ANGEL1: variants seen among roughly 807,000 people sequenced by gnomAD.
ANGEL1 encodes the protein angel homolog 1.
A neutral mutation model predicts 76.4 loss-of-function variants in ANGEL1; 62 were observed. The observed-to-expected ratio is 0.81, with a 90% CI of 0.66 to 1.00. ANGEL1 has a LOEUF of 1.00. ANGEL1 is among the 50% of genes least tolerant of loss of function. The probability of loss-of-function intolerance (pLI) is 0.00; values close to 1 mark genes in which losing one functional copy is unlikely to be tolerated. For missense variants in ANGEL1, 737 were observed against 836.7 expected, an observed-to-expected ratio of 0.88 and a Z score of 1.47; for synonymous variants, 340 against 331.7, an observed-to-expected ratio of 1.03 and a Z score of -0.27.
chr14:76,806,317 G>T, intron 5 of ANGEL1, 99 bp downstream of exon 5: 1 of 1,274,288 alleles, frequency 7.8e-7, no homozygotes, highest in Non-Finnish European at 1.1e-6. Context: ...GGCCAGAGCA[G>T]GTGTACTGAG....
chr14:76,806,598 C>T lies in ANGEL1; in HGVS notation c.1198G>A (p.Gly400Ser). The change falls in exon 5 of 10, where the codon GGC (glycine) becomes AGC (serine). Residue 400 changes from glycine (G) to serine (S), a missense_variant. Around this residue, in one of 2 missense-constraint regions of ANGEL1, gnomAD observed 296 missense variants for 387.2 expected, o/e 0.76. Transcript: ENST00000251089. ...GCCATCTGGGCCAGCTTGACATCGC[C>T]CCGGCGTGGGTTGTAAAGGATATGG... ...NTHILYNPRR[G>S]DVKLAQMAIL... is the part of the protein sequence containing the mutation. 6.2e-7 allele frequency: 1 copy of T among 1,614,208 alleles called. No individual in the cohort carries two copies. The highest frequency in any genetic ancestry group is 8.5e-7 in the Non-Finnish European group (1 of 1,180,046).
At chr14:76,810,284 G>A (rs967580408) in intron 1 of ANGEL1, 8 of 451,318 alleles carry the variant, frequency 1.8e-5, no homozygotes, top group Admixed American at 7.1e-5. Context: ...AGCCAAGTAC[G>A]GTGGCACATG....
chr14:76,788,008 A>T lies in ANGEL1; in HGVS notation c.*1220T>A, dbSNP rs1426089108. 1 of 152,330 alleles carries T rather than the reference A, an allele frequency of 6.6e-6. No homozygotes were observed. Among genetic ancestry groups the T allele is most frequent in the African/African-American group, 2.4e-5 (1 of 41,470 alleles). 9.4% of individuals were successfully genotyped at this position (152,330 alleles called of 1,614,324 possible). A position where few individuals can be genotyped will look rare whatever the true frequency, so the allele number is the denominator to read the frequency against. ...GCCAATCCGCAAGTACTGCCACTTC[A>T]AATTCTTGGACCAGTTTTGTCCAAG... On this transcript the variant is annotated 3_prime_UTR_variant, in exon 10 of 10. Transcript: ENST00000251089.
chr14:76,793,053 C>T (rs1385440794), intron 7 of ANGEL1, among the ~76,000 whole-genome samples: 1 of 152,002 alleles, frequency 6.6e-6, no homozygotes, highest in African/African-American at 2.4e-5. Flanking sequence ...ATTGCAGGTA[C>T]ACGATCAATA....
rs1895027933 is a variant in ANGEL1 at position 76,809,663 on chromosome 14, A to T, written c.65-20T>A. 1.9e-6 allele frequency: 3 copies of T among 1,598,878 alleles called. No homozygotes were observed. The highest frequency in any genetic ancestry group is 2.6e-6 in the Non-Finnish European group (3 of 1,169,622). On this transcript the variant is annotated intron_variant, in intron 1 of 9. Transcript: ENST00000251089. ...AAGCATCTAGGAGGAAAGCCAAAAT[A>T]CCAGGTTATAAGACTGTCATCCAAC...
At chr14:76,804,204 A>G in intron 5 of ANGEL1, 1 of 1,410,258 alleles carries the variant, frequency 7.1e-7, no homozygotes, top group Non-Finnish European at 9.2e-7. Context: ...ACCTCTGAAA[A>G]ATCAATACAA....
At position 76,787,880 on chromosome 14, in the gene ANGEL1, G is replaced by C. The variant is rs1053320993; in HGVS notation, c.*1348C>G. 1 of 152,670 alleles carries C rather than the reference G, an allele frequency of 6.6e-6. No individual in the cohort carries two copies. The highest frequency in any genetic ancestry group is 1.5e-5 in the Non-Finnish European group (1 of 68,094). The allele number at this position is 152,670 out of a possible 1,614,324, so 9.5% of individuals were successfully genotyped here. On this transcript the variant is annotated 3_prime_UTR_variant, in exon 10 of 10. Coordinates refer to ENST00000251089, the MANE Select transcript of ANGEL1 (RefSeq NM_015305.4). ...AGCAATGAAAGATTAAGGCATGCAG[G>C]TGACACAGTGTGGACTAAGGAGTCC... is the stretch of plus-strand genomic sequence containing the variant.
intron 7 of ANGEL1, 145 bp from the exon 8 acceptor site, chr14:76,791,511 GAGA>G: frequency 1.4e-6 from 1 of 711,572 alleles, no homozygotes; most frequent in Non-Finnish European, 2.3e-6. Context: ...CAGTGAGGAG[GAGA>G]AGATGACCAT....
At position 76,812,856 on chromosome 14, in the gene ANGEL1, C is replaced by A; in HGVS notation, c.-29G>T. 1 of 1,495,650 alleles carries A rather than the reference C, an allele frequency of 6.7e-7. No individual in the cohort carries two copies. The highest frequency in any genetic ancestry group is 8.9e-7 in the Non-Finnish European group (1 of 1,125,338). The allele number at this position is 1,495,650 out of a possible 1,614,324, so 92.6% of individuals were successfully genotyped here. The stretch of plus-strand genomic sequence containing the variant: ...CGGCCGCCCGCGCCCGCCTCCGCTC[C>A]TCACTGCAGCCAGCAGGTCCTCCCT... On this transcript the variant is annotated 5_prime_UTR_variant, in exon 1 of 10. The change creates a new upstream start codon in the 5' untranslated region. Transcript: ENST00000251089.
Position 76,812,805 on chromosome 14 carries a change from T to C in ANGEL1, c.23A>G (p.Tyr8Cys), listed in dbSNP as rs1320474841. MIASCLC[Y>C]LLLPATRLFR... ...GAGGCGCGTGGCCGGCAGCAGCAGG[T>C]AACACAAGCACGACGCGATCATGGC... Residue 8 changes from tyrosine to cysteine, a missense_variant, in exon 1 of 10, where the codon TAC becomes TGC. This residue lies in a region of ANGEL1 where 441 missense variants were observed against 449.5 expected (regional missense o/e 0.98). Coordinates refer to ENST00000251089, the MANE Select transcript of ANGEL1 (RefSeq NM_015305.4). 6.6e-7 allele frequency: 1 copy of C among 1,520,576 alleles called. No homozygotes were observed. The highest frequency in any genetic ancestry group is 8.8e-7 in the Non-Finnish European group (1 of 1,138,988). 94.2% of individuals were successfully genotyped at this position (1,520,576 alleles called of 1,614,324 possible).
intron 7 of ANGEL1, among the ~76,000 whole-genome samples, chr14:76,798,184 G>C (rs1194847662): frequency 6.6e-6 from 1 of 151,234 alleles, no homozygotes; most frequent in African/African-American, 2.4e-5. Context: ...GAGTGCAGTA[G>C]GGCAATCATA....
rs762280761 is a variant in ANGEL1 at position 76,790,600 on chromosome 14, A to C, written c.1852+11T>G. The C allele has an allele frequency of 8.1e-6, 13 of 1,605,294 alleles. No homozygotes were observed. Among genetic ancestry groups the C allele is most frequent in the Non-Finnish European group, 1.1e-5 (13 of 1,173,726 alleles). ...CTGGGGGTGGAGGAACCCAGGATCC[A>C]TCAGGCTTACCAGTTCTGTTCCCAT... On this transcript the variant is annotated intron_variant, in intron 9 of 9. Transcript: ENST00000251089.
chr14:76,796,041 C>T (rs944591613), intron 7 of ANGEL1, among the ~76,000 whole-genome samples: 103 of 152,066 alleles, frequency 6.8e-4, no homozygotes, highest in African/African-American at 2.3e-3. Context: ...AACTCACTTT[C>T]ATCCCTTCAT....
chr14:76,790,665 T>C lies in ANGEL1; in HGVS notation c.1798A>G (p.Thr600Ala). ...GCTGAGAAGAAGATGTAATCTACTGTCATTCCAAGACCCAATGGCATTGTA... is the reference window on the plus strand; with the variant it reads ...GCTGAGAAGAAGATGTAATCTACTGCCATTCCAAGACCCAATGGCATTGTA... ...VTTMPLGLGM[T>A]VDYIFFSAES... The change falls in exon 9 of 10, where the codon ACA becomes GCA. Residue 600 changes from threonine (T) to alanine (A), a missense_variant. Around this residue, in one of 2 missense-constraint regions of ANGEL1, gnomAD observed 296 missense variants for 387.2 expected, o/e 0.76. Coordinates refer to ENST00000251089, the MANE Select transcript of ANGEL1 (RefSeq NM_015305.4). 6.2e-7 allele frequency: 1 copy of C among 1,614,152 alleles called. No homozygotes were observed. The highest frequency in any genetic ancestry group is 1.7e-5 in the Admixed American group (1 of 60,024).
rs767954588 is a variant in ANGEL1, at chr14:76,803,442, C to T, written c.1547G>A (p.Arg516His). Residue 516 changes from arginine to histidine, a missense_variant, in exon 7 of 10, where the codon CGC (arginine) becomes CAC (histidine). Coordinates refer to ENST00000251089, the MANE Select transcript of ANGEL1 (RefSeq NM_015305.4). The part of the protein sequence containing the change: ...KYGRDFLLRF[R>H]FCSIACQRPV... ...TCGCTGACAAGCGATGCTGCAGAAG[C>T]GGAAACGTAGCAGGAAGTCTCGGCC... 12 of 1,614,028 alleles carry T rather than the reference C, an allele frequency of 7.4e-6. No individual in the cohort carries two copies. The highest frequency in any genetic ancestry group is 1.6e-4 in the Middle Eastern group (1 of 6,078).
intron 5 of ANGEL1, among the ~76,000 whole-genome samples, chr14:76,804,871 A>G (rs1289552930): frequency 6.6e-6 from 1 of 152,144 alleles, no homozygotes; most frequent in Admixed American, 6.5e-5. Context: ...TCAGCCGAGC[A>G]TGGTGGCACA....
At chr14:76,805,425 GCA>G (rs1451433932) in intron 5 of ANGEL1, among the ~76,000 whole-genome samples, 2 of 152,132 alleles carry the variant, frequency 1.3e-5, no homozygotes, top group African/African-American at 4.8e-5. Context: ...GCCTTTCTCT[GCA>G]CACATCTGGC....
chr14:76,796,116 C>A (rs996975058), intron 7 of ANGEL1, among the ~76,000 whole-genome samples: 2 of 151,870 alleles, frequency 1.3e-5, no homozygotes, highest in African/African-American at 2.4e-5. Flanking sequence ...TTCTTGAACA[C>A]CATTTTAGCT....
At chr14:76,809,674 A>T in intron 1 of ANGEL1, 31 bp from the exon 2 acceptor site, 2 of 1,573,806 alleles carry the variant, frequency 1.3e-6, no homozygotes, top group Non-Finnish European at 1.7e-6. Flanking sequence ...CCAGGTTATA[A>T]GACTGTCATC....
Sources: allele counts gnomAD v4.1 joint callset (sites outside exome capture counted in the v4.1 genomes callset), GRCh38; gene constraint gnomAD v4.1.1; regional missense constraint gnomAD v4.1.1; transcripts MANE v1.5; gene names NCBI Gene and HGNC (gene_info 2026-07-23, HGNC 2026-07-21).